The following LIPC variants were observed in gnomAD, a reference collection of about 807,000 sequenced individuals.
LIPC encodes the protein hepatic triacylglycerol lipase.
In LIPC, 44 loss-of-function variants were observed where a neutral mutation model predicts 50.7. The observed-to-expected ratio is 0.87, with a 90% CI of 0.68 to 1.11. The LOEUF (loss-of-function observed/expected upper bound fraction) is 1.11, where lower values mean the gene tolerates loss of function less well. Ranked by LOEUF, LIPC falls within the 50% of genes most tolerant of loss-of-function variation. The pLI is 0.00. For missense variants in LIPC, 697 were observed against 648.2 expected (o/e 1.08, Z -0.82); for synonymous variants, 271 against 256.4 (o/e 1.06, Z -0.54).
At chr15:58,526,249 A>T (rs1892796870) in intron 1 of LIPC, among the ~76,000 whole-genome samples, 1 of 152,242 alleles carries the variant, frequency 6.6e-6, no homozygotes, top group Admixed American at 6.5e-5. Flanking sequence ...GTTAGGTAAT[A>T]TATCAGGGAG....
rs369368040 is a variant in LIPC at position 58,462,750 on chromosome 15, A to G, written c.88+30630A>G. On this transcript the variant is annotated intron_variant, in intron 1 of 8. Transcript: ENST00000299022. Reference sequence around the variant, plus strand: ...GGAGCACAGCCCTGACTCAGAGGCCACTCCAGGCAATCCTCTCCTCCCAGG... The same window carrying G: ...GGAGCACAGCCCTGACTCAGAGGCCGCTCCAGGCAATCCTCTCCTCCCAGG... Among the ~76,000 whole-genome samples, 673 of 151,822 alleles carry G rather than the reference A, an allele frequency of 4.4e-3. 2 individuals are homozygous for G. The highest frequency in any genetic ancestry group is 8.0e-3 in the Non-Finnish European group (540 of 67,914).
At chr15:58,489,421 G>T (rs115930946) in intron 1 of LIPC, among the ~76,000 whole-genome samples, 1 of 152,050 alleles carries the variant, frequency 6.6e-6, no homozygotes, top group East Asian at 1.9e-4. Context: ...AATGCTCAGC[G>T]GTTAGGGTTT....
intron 8 of LIPC, chr15:58,565,508 A>G (rs1414012090): frequency 7.3e-7 from 1 of 1,373,978 alleles, no homozygotes; most frequent in East Asian, 2.7e-5. Context: ...CAGGTGCTCC[A>G]TGGCATTGGT....
At chr15:58,509,959 T>TA (rs3052269) in intron 1 of LIPC, among the ~76,000 whole-genome samples, 9 of 151,146 alleles carry the variant, frequency 6.0e-5, no homozygotes, top group African/African-American at 9.7e-5. Flanking sequence ...ATTGAATCAT[T>TA]AAAAAAAAAA....
chr15:58,538,222 T>A, intron 1 of LIPC, 111 bp from the exon 2 acceptor site: 1 of 1,034,816 alleles, frequency 9.7e-7, no homozygotes, highest in South Asian at 1.3e-5. Flanking sequence ...ATCTCCAGCA[T>A]CTCCCAGTAA....
rs72743026 is a variant in LIPC, at chr15:58,533,122, C to T, written c.89-5211C>T. On this transcript the variant is annotated intron_variant, in intron 1 of 8. Coordinates refer to ENST00000299022, the MANE Select transcript of LIPC (RefSeq NM_000236.3). ...CTCCTCCTAAAACCACAGTATCATC[C>T]CCAGATTCTTATCACTGGTGTGACT... The T allele has an allele frequency of 3.8e-3, 3,701 of 979,900 alleles. 10 individuals carry two copies. The highest frequency in any genetic ancestry group is 4.7e-3 in the Middle Eastern group (9 of 1,908). 60.7% of individuals were successfully genotyped at this position (979,900 alleles called of 1,614,324 possible).
intron 1 of LIPC, among the ~76,000 whole-genome samples, chr15:58,486,883 C>A (rs562759117): frequency 6.6e-6 from 1 of 151,972 alleles, no homozygotes. Context: ...GTGAACAGGC[C>A]CAAGAGAGAA....
In LIPC at chr15:58,459,400, T is replaced by TC. The variant is rs1474153792; in HGVS notation, c.88+27281dup. Reference sequence around the variant, plus strand: ...CTTTTGGAGAATCGACTTTTTTCTTTCTTTTTTTTTTTTGATGTCCCTTAG... The same window carrying TC: ...CTTTTGGAGAATCGACTTTTTTCTTTCCTTTTTTTTTTTTGATGTCCCTTAG... On this transcript the variant is annotated intron_variant, in intron 1 of 8. Coordinates refer to ENST00000299022, the MANE Select transcript of LIPC (RefSeq NM_000236.3). Among the ~76,000 whole-genome samples, 3 of 107,160 alleles carry TC rather than the reference T, an allele frequency of 2.8e-5. No homozygotes were observed. In the South Asian group the frequency reaches 8.8e-4, roughly 32 times the overall value. The allele number at this position is 107,160 out of a possible 152,430, so 70.3% of individuals were successfully genotyped here.
Position 58,437,968 on chromosome 15 carries a change from C to G in LIPC, c.88+5848C>G, listed in dbSNP as rs138080269. 3.3e-3 allele frequency among the ~76,000 whole-genome samples: 510 copies of G among 152,264 alleles called. 4 individuals carry two copies. The highest frequency in any genetic ancestry group is 0.011 in the African/African-American group (471 of 41,548). ...ACGGGGGACAGCAGCCTGTCCTCCA[C>G]TCTGCTTGCCTCTCACAGAGACCCA... On this transcript the variant is annotated intron_variant, in intron 1 of 8. Transcript: ENST00000299022.
At chr15:58,514,048 G>C (rs1246374690) in intron 1 of LIPC, among the ~76,000 whole-genome samples, 1 of 152,216 alleles carries the variant, frequency 6.6e-6, no homozygotes, top group Non-Finnish European at 1.5e-5. Flanking sequence ...TTACAGGAAA[G>C]AGGCATGAGA....
intron 2 of LIPC, 180 bp from the exon 3 acceptor site, chr15:58,541,605 C>T (rs1038457836): frequency 3.1e-5 from 21 of 678,852 alleles, no homozygotes; most frequent in Admixed American, 8.9e-5. Context: ...TGCTAAACAT[C>T]GTACAATGCC....
intron 1 of LIPC, among the ~76,000 whole-genome samples, chr15:58,509,347 A>C (rs1360866240): frequency 6.6e-6 from 1 of 152,220 alleles, no homozygotes; most frequent in Non-Finnish European, 1.5e-5. Flanking sequence ...CTGAGTCAGC[A>C]TAGAATGGTT....
intron 1 of LIPC, among the ~76,000 whole-genome samples, chr15:58,485,387 C>T (rs1891337073): frequency 1.3e-5 from 2 of 152,078 alleles, no homozygotes; most frequent in Non-Finnish European, 2.9e-5. Flanking sequence ...TTCACAGGGT[C>T]GGGAAGCACT....
intron 1 of LIPC, among the ~76,000 whole-genome samples, chr15:58,527,127 G>C (rs1163743657): frequency 2.6e-5 from 4 of 152,200 alleles, no homozygotes; most frequent in African/African-American, 9.7e-5. Flanking sequence ...GAATATCTTA[G>C]GGGAAATAGT....
intron 1 of LIPC, among the ~76,000 whole-genome samples, chr15:58,521,050 T>C (rs1404165848): frequency 2.0e-5 from 3 of 152,142 alleles, no homozygotes; most frequent in Non-Finnish European, 2.9e-5. Context: ...GTGCCTTTCT[T>C]TCAGCTCATT....
At chr15:58,451,263 A>C (rs2140673248) in intron 1 of LIPC, among the ~76,000 whole-genome samples, 1 of 152,354 alleles carries the variant, frequency 6.6e-6, no homozygotes, top group South Asian at 2.1e-4. Flanking sequence ...CGAAAAAGGC[A>C]GGTAAGTAAT....
In LIPC at chr15:58,495,861, G is replaced by A. The variant is rs114144267; in HGVS notation, c.89-42472G>A. Among the ~76,000 whole-genome samples, 1,064 of 152,286 alleles carry A rather than the reference G, an allele frequency of 7.0e-3. 9 individuals carry two copies. Among genetic ancestry groups the A allele is most frequent in the African/African-American group, 0.023 (946 of 41,552 alleles). On this transcript the variant is annotated intron_variant, in intron 1 of 8. Coordinates refer to ENST00000299022, the MANE Select transcript of LIPC (RefSeq NM_000236.3). Reference sequence around the variant, plus strand: ...TTCTGTAATTCTAGGCATGTTAAGCGTAGGGTCAAGCATAAACTCTGTCCC... The same window carrying A: ...TTCTGTAATTCTAGGCATGTTAAGCATAGGGTCAAGCATAAACTCTGTCCC...
In LIPC at chr15:58,565,922, A is replaced by AT. The variant is rs1169835516; in HGVS notation, c.1388+2199_1388+2200insT. 3.1e-5 allele frequency: 31 copies of AT among 985,190 alleles called. No individual in the cohort carries two copies. In the African/African-American group the frequency reaches 5.2e-4, roughly 17 times the overall value. 61.0% of individuals were successfully genotyped at this position (985,190 alleles called of 1,614,324 possible). ...GTACTATCGGAGAATACAAAAAAAA[A>AT]AAAAAAAATCTGAGTTGTGGCTCTT... On this transcript the variant is annotated intron_variant, in intron 8 of 8. Transcript: ENST00000299022.
intron 1 of LIPC, among the ~76,000 whole-genome samples, chr15:58,459,233 T>A (rs1341272320): frequency 2.0e-5 from 3 of 152,172 alleles, no homozygotes; most frequent in Admixed American, 2.0e-4. Context: ...CAAAGCCTAG[T>A]GAAACTTTGG....
Sources: gnomAD v4.1 joint callset for allele counts (sites outside exome capture counted in the v4.1 genomes callset) on GRCh38, gnomAD v4.1.1 for gene constraint, MANE v1.5 for transcripts, NCBI Gene and HGNC (gene_info 2026-07-23, HGNC 2026-07-21) for gene names.